DCLK2: variants seen among roughly 807,000 people sequenced by gnomAD.
DCLK2 encodes the protein doublecortin like kinase 2.
In DCLK2, 31 loss-of-function variants were observed where a neutral mutation model predicts 78.4. That is an observed-to-expected ratio of 0.40 (90% CI 0.30 to 0.53). DCLK2 has a LOEUF of 0.53. Ranked by LOEUF, DCLK2 falls within the 20% of genes least tolerant of loss-of-function variation. The pLI is 0.61. For synonymous variants in DCLK2, 407 were observed against 374.9 expected (o/e 1.09, Z -0.99); for missense variants, 872 against 973.7 (o/e 0.90, Z 1.39).
chr4:150,233,014 G>A (rs1268500604), intron 10 of DCLK2, among the ~76,000 whole-genome samples, 186 bp downstream of exon 10: 1 of 152,164 alleles, frequency 6.6e-6, no homozygotes, highest in African/African-American at 2.4e-5. Flanking sequence ...TTCTGCATTT[G>A]TTATTTACCA....
chr4:150,254,247 G>C (rs1432231796), intron 15 of DCLK2, among the ~76,000 whole-genome samples: 1 of 152,214 alleles, frequency 6.6e-6, no homozygotes, highest in South Asian at 2.1e-4. Context: ...TTCTTCGCTG[G>C]GGGATTATGC....
At chr4:150,185,339 C>T (rs369411221) in intron 2 of DCLK2, among the ~76,000 whole-genome samples, 11 of 152,152 alleles carry the variant, frequency 7.2e-5, no homozygotes, top group South Asian at 2.1e-4. Flanking sequence ...TCTCCTCCAA[C>T]GCGTGGGGAT....
chr4:150,105,372 A>C (rs576281273), intron 2 of DCLK2, among the ~76,000 whole-genome samples: 141 of 151,522 alleles, frequency 9.3e-4, no homozygotes, highest in Non-Finnish European at 1.8e-3. Flanking sequence ...AACAATTTGA[A>C]AAGACAGAAT....
chr4:150,112,773 G>A (rs1731783516), intron 2 of DCLK2, among the ~76,000 whole-genome samples: 1 of 151,582 alleles, frequency 6.6e-6, no homozygotes, highest in African/African-American at 2.4e-5. Context: ...GCATGCCTGG[G>A]GATGAAACCC....
intron 2 of DCLK2, among the ~76,000 whole-genome samples, chr4:150,150,828 G>C (rs976254363): frequency 1.1e-4 from 17 of 152,358 alleles, no homozygotes; most frequent in African/African-American, 3.1e-4. Flanking sequence ...TGTGCTGTGA[G>C]TGTCCTGTGA....
At chr4:150,187,680 C>T (rs1426028172) in intron 2 of DCLK2, among the ~76,000 whole-genome samples, 1 of 152,134 alleles carries the variant, frequency 6.6e-6, no homozygotes, top group Non-Finnish European at 1.5e-5. Flanking sequence ...AGAATAGTGC[C>T]TGGCACATAA....
intron 2 of DCLK2, among the ~76,000 whole-genome samples, chr4:150,127,007 C>G (rs551789582): frequency 8.5e-5 from 13 of 152,242 alleles, no homozygotes; most frequent in Admixed American, 3.3e-4. Context: ...TGGTATTCCC[C>G]TGTGAATACA....
At chr4:150,112,629 AT>A (rs527680922) in intron 2 of DCLK2, among the ~76,000 whole-genome samples, 153 of 150,548 alleles carry the variant, frequency 1.0e-3, no homozygotes, top group African/African-American at 3.5e-3. Context: ...GGTTTTCTTT[AT>A]TTTTTTTATC....
At chr4:150,167,760 G>A (rs535753715) in intron 2 of DCLK2, among the ~76,000 whole-genome samples, 23 of 152,306 alleles carry the variant, frequency 1.5e-4, no homozygotes, top group African/African-American at 4.8e-4. Flanking sequence ...ACCCAAAACT[G>A]GTGATCAGCA....
chr4:150,080,549 G>A (rs1038422544), intron 1 of DCLK2, among the ~76,000 whole-genome samples: 1 of 152,190 alleles, frequency 6.6e-6, no homozygotes, highest in Non-Finnish European at 1.5e-5. Flanking sequence ...ATTCCATGTA[G>A]TCATAGCAAT....
intron 5 of DCLK2, among the ~76,000 whole-genome samples, chr4:150,207,291 T>C (rs1739911913): frequency 6.6e-6 from 1 of 152,198 alleles, no homozygotes; most frequent in African/African-American, 2.4e-5. Context: ...TTTGTTACTA[T>C]CTGGATTTTA....
intron 2 of DCLK2, among the ~76,000 whole-genome samples, chr4:150,136,082 C>G (rs1048513504): frequency 6.6e-6 from 1 of 152,116 alleles, no homozygotes; most frequent in African/African-American, 2.4e-5. Context: ...TTTTGACCCC[C>G]TTAAATTGTG....
Position 150,102,780 on chromosome 4 carries a change from G to A in DCLK2, c.724G>A (p.Val242Ile), listed in dbSNP as rs374181841. ...TEAIKLDSGV[V>I]KRLCTLDGKQ... is the part of the protein sequence containing the mutation. ...AGCCATTAAACTAGACTCAGGAGTC[G>A]TCAAGAGGCTCTGCACCCTGGATGG... Residue 242 changes from valine (V) to isoleucine (I), a missense_variant, in exon 2 of 16, where the codon GTC becomes ATC. By Grantham distance (29) the Val-to-Ile change is conservative. Transcript: ENST00000296550. 5.7e-5 allele frequency: 92 copies of A among 1,612,850 alleles called. No homozygotes were observed. Among genetic ancestry groups the A allele is most frequent in the South Asian group, 1.2e-4 (11 of 90,986 alleles).
rs147665317 is a variant in DCLK2, at chr4:150,079,772, A to G, written c.421+324A>G. Among the ~76,000 whole-genome samples the G allele has an allele frequency of 1.9e-3, 293 of 152,366 alleles. 2 individuals are homozygous for G. The highest frequency in any genetic ancestry group is 6.4e-3 in the African/African-American group (266 of 41,598). ...AACTGTTTGAGAAAATGGTTCTCCC[A>G]TGGGGAGCTGGGTAATCCCCTACTA... is the stretch of plus-strand genomic sequence containing the variant. On this transcript the variant is annotated intron_variant, in intron 1 of 15. Transcript: ENST00000296550.
At position 150,175,118 on chromosome 4, in the gene DCLK2, T is replaced by A. The variant is rs867180992; in HGVS notation, c.757-18020T>A. The stretch of plus-strand genomic sequence containing the variant: ...TTTATATATATTTATATATTTATAT[T>A]TTTTATATATATATAATTTATGTAT... On this transcript the variant is annotated intron_variant, in intron 2 of 15. Transcript: ENST00000296550. 5.6e-3 allele frequency among the ~76,000 whole-genome samples: 314 copies of A among 56,066 alleles called. 59 individuals carry two copies. Among genetic ancestry groups the A allele is most frequent in the Middle Eastern group, 0.014 (2 of 140 alleles). 36.8% of individuals were successfully genotyped at this position (56,066 alleles called of 152,430 possible).
At chr4:150,253,662 C>T in intron 15 of DCLK2, 1 of 1,253,546 alleles carries the variant, frequency 8.0e-7, no homozygotes, top group African/African-American at 1.5e-5. Flanking sequence ...CAGCTGCTTA[C>T]TGGTGTGGGT....
At chr4:150,159,173 A>C (rs1735528762) in intron 2 of DCLK2, among the ~76,000 whole-genome samples, 1 of 152,174 alleles carries the variant, frequency 6.6e-6, no homozygotes, top group Non-Finnish European at 1.5e-5. Context: ...CAGACACCAC[A>C]TCAAAGGGAG....
chr4:150,200,945 G>A (rs934263553), intron 4 of DCLK2, among the ~76,000 whole-genome samples: 1 of 152,138 alleles, frequency 6.6e-6, no homozygotes, highest in African/African-American at 2.4e-5. Context: ...AGCCTCCCGA[G>A]TAGCTGGGAC....
chr4:150,139,414 C>T (rs752193188), intron 2 of DCLK2, among the ~76,000 whole-genome samples: 2 of 152,132 alleles, frequency 1.3e-5, no homozygotes, highest in Admixed American at 6.5e-5. Context: ...AACTCCTGGA[C>T]GAATGCCTGT....
Sources: gnomAD v4.1 joint callset for allele counts (sites outside exome capture counted in the v4.1 genomes callset) on GRCh38, gnomAD v4.1.1 for gene constraint, MANE v1.5 for transcripts, NCBI Gene and HGNC (gene_info 2026-07-23, HGNC 2026-07-21) for gene names.